The following ITGAD variants were observed in gnomAD, a reference collection of about 807,000 sequenced individuals.
ITGAD encodes the protein integrin subunit alpha D.
Under a neutral mutation model 139.0 loss-of-function variants are expected in ITGAD, and 105 were observed. The observed-to-expected ratio is 0.76, with a 90% CI of 0.65 to 0.89. The LOEUF is 0.89. Among genes scored for constraint, ITGAD ranks in the 40% least tolerant of loss-of-function variants. ITGAD has a pLI of 0.00. For missense variants in ITGAD, 1,384 were observed against 1,487.3 expected (o/e 0.93, Z 1.14); for synonymous variants, 569 against 598.3 (o/e 0.95, Z 0.71).
rs1449969188 is a variant in ITGAD at position 31,418,299 on chromosome 16, A to G, written c.2617-2A>G. ...CCCATTCTTTCCTTCTTCTTCCCTC[A>G]GGGCACCTTCATAGTCACATTCGAT... On this transcript the variant is annotated splice_acceptor_variant, in intron 21 of 29. Transcript: ENST00000389202. LOFTEE classifies it high-confidence loss of function. The G allele has an allele frequency of 1.2e-6, 2 of 1,613,598 alleles. No individual in the cohort carries two copies. Among genetic ancestry groups the G allele is most frequent in the Non-Finnish European group, 1.7e-6 (2 of 1,179,794 alleles).
rs147897710 is a variant in ITGAD, at chr16:31,397,633, C to T, written c.279C>T (p.Thr93=). Residue 93 remains threonine (T), a synonymous_variant, in exon 4 of 30, where the codon ACC becomes ACT. Coordinates refer to ENST00000389202, the MANE Select transcript of ITGAD (RefSeq NM_005353.3). Reference sequence around the variant, plus strand: ...CCGTGAACATGTCCTTGGGCCTGACCCTGGCAGCCTCCACCAACGGCTCCC... The same window carrying T: ...CCGTGAACATGTCCTTGGGCCTGACTCTGGCAGCCTCCACCAACGGCTCCC... ...PEAVNMSLGL[T]LAASTNGSRL... 2 of 1,604,358 alleles carry T rather than the reference C, an allele frequency of 1.2e-6. No homozygotes were observed. The highest frequency in any genetic ancestry group is 1.7e-6 in the Non-Finnish European group (2 of 1,179,276).
intron 5 of ITGAD, among the ~76,000 whole-genome samples, chr16:31,401,698 C>T (rs1429386250): frequency 6.6e-6 from 1 of 152,246 alleles, no homozygotes; most frequent in African/African-American, 2.4e-5. Flanking sequence ...CTTCATTTTA[C>T]AGATAGGGAC....
At chr16:31,419,680 A>C (rs2081969526) in intron 23 of ITGAD, among the ~76,000 whole-genome samples, 1 of 151,834 alleles carries the variant, frequency 6.6e-6, no homozygotes, top group Non-Finnish European at 1.5e-5. Context: ...GCGCAGTGGC[A>C]CACGCCTGTA....
intron 11 of ITGAD, 70 bp downstream of exon 11, chr16:31,410,594 G>GA: frequency 6.4e-7 from 1 of 1,572,160 alleles, no homozygotes; most frequent in Non-Finnish European, 8.7e-7. Context: ...GGGTTCTGGG[G>GA]AGGGGGGATG....
Position 31,407,620 on chromosome 16 carries a change from T to C in ITGAD, c.810T>C (p.Asp270=), listed in dbSNP as rs897698128. 2 of 1,614,180 alleles carry C rather than the reference T, an allele frequency of 1.2e-6. No individual in the cohort carries two copies. The highest frequency in any genetic ancestry group is 2.2e-5 in the East Asian group (1 of 44,876). The change falls in exon 8 of 30, where the codon GAT becomes GAC. Residue 270 remains aspartate (D), a synonymous_variant. Coordinates refer to ENST00000389202, the MANE Select transcript of ITGAD (RefSeq NM_005353.3). The part of the protein sequence containing the change: ...QKYKDPLEYS[D]VIPQAEKAGI... ...ACAAAGACCCCCTGGAATACAGTGA[T>C]GTCATCCCCCAGGCAGAGAAGGCTG... is the stretch of plus-strand genomic sequence containing the variant.
At chr16:31,419,565 CTTTGG>C (rs1324181276) in intron 23 of ITGAD, among the ~76,000 whole-genome samples, 1 of 151,968 alleles carries the variant, frequency 6.6e-6, no homozygotes, top group East Asian at 1.9e-4. Context: ...AATCCCAGCA[CTTTGG>C]GAGGCTGAGG....
chr16:31,419,227 C>T (rs1207725841), intron 23 of ITGAD, among the ~76,000 whole-genome samples: 1 of 150,854 alleles, frequency 6.6e-6, no homozygotes, highest in East Asian at 1.9e-4. Flanking sequence ...TTTTTGTCAA[C>T]AGTGGACCCA....
chr16:31,410,669 G>A (rs1308560488), intron 11 of ITGAD, 67 bp from the exon 12 acceptor site: 4 of 1,558,274 alleles, frequency 2.6e-6, no homozygotes, highest in Non-Finnish European at 3.5e-6. Flanking sequence ...TGCGCTGCCT[G>A]GGGTGGGGGT....
chr16:31,397,845 G>T lies in ITGAD; in HGVS notation c.363G>T (p.Lys121Asn). ...HRVCGENSYS[K>N]GSCLLLGSRW... ...TCTGTGGGGAGAACTCATACTCAAAGGGTTCCTGCCTCCTGCTGGGCTCGC... is the reference window on the plus strand; with the variant it reads ...TCTGTGGGGAGAACTCATACTCAAATGGTTCCTGCCTCCTGCTGGGCTCGC... Residue 121 changes from lysine (K) to asparagine (N), a missense_variant, in exon 5 of 30, where the codon AAG becomes AAT. Lys to Asn is a moderately conservative substitution (Grantham distance 94, BLOSUM62 0). Coordinates refer to ENST00000389202, the MANE Select transcript of ITGAD (RefSeq NM_005353.3). 6.2e-7 allele frequency: 1 copy of T among 1,613,790 alleles called. No individual in the cohort carries two copies.
intron 10 of ITGAD, among the ~76,000 whole-genome samples, chr16:31,409,643 C>T (rs2142735402): frequency 6.6e-6 from 1 of 152,254 alleles, no homozygotes; most frequent in Middle Eastern, 3.4e-3. Flanking sequence ...GGCATAGTGA[C>T]TCACACCTGT....
chr16:31,404,056 T>C (rs143386329), intron 7 of ITGAD: 385 of 192,420 alleles, frequency 2.0e-3, no homozygotes, highest in Non-Finnish European at 3.3e-3. Context: ...CAGCTTAGGA[T>C]TGAGATCATG....
At chr16:31,397,688 C>CGG (rs34475127) in intron 4 of ITGAD, 22 bp downstream of exon 4, 46 of 171,904 alleles carry the variant, frequency 2.7e-4, no homozygotes, top group Admixed American at 1.5e-3. Context: ...TCTTGGGCCA[C>CGG]GGGGGGGTGG....
Position 31,424,592 on chromosome 16 carries a change from C to A in ITGAD, c.3372+15C>A. 6.7e-7 allele frequency: 1 copy of A among 1,488,308 alleles called. No individual in the cohort carries two copies. The allele number at this position is 1,488,308 out of a possible 1,614,324, so 92.2% of individuals were successfully genotyped here. A position where few individuals can be genotyped will look rare whatever the true frequency, so the allele number is the denominator to read the frequency against. On this transcript the variant is annotated intron_variant, in intron 29 of 29. Coordinates refer to ENST00000389202, the MANE Select transcript of ITGAD (RefSeq NM_005353.3). ...CACTGTACAAGGCAAGTGTTTTATC[C>A]AACTCTTTTTTTTTTTTTTTTGAGA...
intron 7 of ITGAD, among the ~76,000 whole-genome samples, chr16:31,406,920 C>T (rs2081554541): frequency 6.6e-6 from 1 of 152,190 alleles, no homozygotes; most frequent in Admixed American, 6.5e-5. Flanking sequence ...GTCCCATGCC[C>T]AAAGTGTGTC....
At chr16:31,398,186 G>A (rs1367512323) in intron 5 of ITGAD, among the ~76,000 whole-genome samples, 1 of 152,170 alleles carries the variant, frequency 6.6e-6, no homozygotes, top group Non-Finnish European at 1.5e-5. Context: ...GGAGGCTGAG[G>A]TGGGCGGATC....
At chr16:31,418,714 T>A in intron 23 of ITGAD, 150 bp downstream of exon 23, 1 of 676,792 alleles carries the variant, frequency 1.5e-6, no homozygotes, top group Non-Finnish European at 2.6e-6. Context: ...TATAATGACA[T>A]TTATGCTGCA....
At chr16:31,411,648 T>C (rs1045570464) in intron 14 of ITGAD, 131 bp downstream of exon 14, 1 of 841,250 alleles carries the variant, frequency 1.2e-6, no homozygotes, top group Non-Finnish European at 1.9e-6. Context: ...ACACGTCATC[T>C]CTCTTCTCTC....
chr16:31,413,205 C>A lies in ITGAD; in HGVS notation c.1955C>A (p.Thr652Asn). The A allele has an allele frequency of 6.2e-7, 1 of 1,614,154 alleles. No individual in the cohort carries two copies. Among genetic ancestry groups the A allele is most frequent in the Non-Finnish European group, 8.5e-7 (1 of 1,180,016 alleles). Residue 652 changes from threonine (T) to asparagine (N), a missense_variant, in exon 16 of 30, where the codon ACC becomes AAC. By Grantham distance (65) the Thr-to-Asn change is moderately conservative. Coordinates refer to ENST00000389202, the MANE Select transcript of ITGAD (RefSeq NM_005353.3). Reference protein sequence around the residue: ...KPSALEAGDATVCLTIQKSSL... With the variant: ...KPSALEAGDANVCLTIQKSSL... ...AGTGCCCTGGAAGCTGGGGACGCCA[C>A]CGTCTGTCTCACCATCCAGAAAAGC...
intron 18 of ITGAD, 43 bp from the exon 19 acceptor site, chr16:31,416,170 A>C (rs1411006843): frequency 1.3e-6 from 2 of 1,492,440 alleles, no homozygotes; most frequent in Non-Finnish European, 1.8e-6. Context: ...TTGGAGAAAG[A>C]CTAAGATGTC....
Sources: gnomAD v4.1 joint callset for allele counts (sites outside exome capture counted in the v4.1 genomes callset) on GRCh38, gnomAD v4.1.1 for gene constraint, MANE v1.5 for transcripts, NCBI Gene and HGNC (gene_info 2026-07-23, HGNC 2026-07-21) for gene names.